SNRNP40: variants seen among roughly 807,000 people sequenced by gnomAD.
SNRNP40 encodes U5 small nuclear ribonucleoprotein 40 kDa protein.
In SNRNP40, 21 loss-of-function variants were observed where a neutral mutation model predicts 45.8. That is an observed-to-expected ratio of 0.46 (90% CI 0.32 to 0.66). SNRNP40 has a LOEUF of 0.66. SNRNP40 is among the 30% of genes least tolerant of loss of function. The pLI, the probability that SNRNP40 is intolerant of heterozygous loss-of-function variation, is 0.03. For synonymous variants in SNRNP40, 142 were observed against 163.8 expected, an observed-to-expected ratio of 0.87 and a Z score of 1.01; for missense variants, 344 against 439.1, an observed-to-expected ratio of 0.78 and a Z score of 1.94.
In SNRNP40 at chr1:31,267,993, G is replaced by T; in HGVS notation, c.859-61C>A. On this transcript the variant is annotated intron_variant, in intron 7 of 9. Transcript: ENST00000263694. The stretch of plus-strand genomic sequence containing the variant: ...CCAAACTCCTCTTTGCAAGGCTACC[G>T]AATCACTAAGAGGCTTTAAATTTCC... The T allele has an allele frequency of 9.6e-6, 11 of 1,146,048 alleles. No individual in the cohort carries two copies. The Admixed American group carries it at 1.6e-4, about 17-fold the overall frequency. The allele number at this position is 1,146,048 out of a possible 1,614,324, so 71.0% of individuals were successfully genotyped here.
intron 3 of SNRNP40, among the ~76,000 whole-genome samples, chr1:31,291,686 A>G (rs573006009): frequency 6.6e-6 from 1 of 152,362 alleles, no homozygotes; most frequent in Non-Finnish European, 1.5e-5. Context: ...ATGTCTTAAA[A>G]AAAGAAAAAT....
At chr1:31,285,650 T>C (rs1220974079) in intron 4 of SNRNP40, among the ~76,000 whole-genome samples, 2 of 152,178 alleles carry the variant, frequency 1.3e-5, no homozygotes, top group Non-Finnish European at 2.9e-5. Flanking sequence ...TATCCTCAAA[T>C]CCCACTCAAG....
At chr1:31,274,062 A>T (rs953855172) in intron 5 of SNRNP40, among the ~76,000 whole-genome samples, 4 of 152,134 alleles carry the variant, frequency 2.6e-5, no homozygotes, top group Non-Finnish European at 4.4e-5. Context: ...GCTGGATTGT[A>T]GGAGATTAGG....
At chr1:31,286,730 G>A (rs1255256061) in intron 4 of SNRNP40, among the ~76,000 whole-genome samples, 3 of 152,108 alleles carry the variant, frequency 2.0e-5, no homozygotes, top group Admixed American at 1.3e-4. Flanking sequence ...TACCTACCCT[G>A]TGTTGTATGG....
intron 1 of SNRNP40, among the ~76,000 whole-genome samples, chr1:31,295,624 TA>T (rs1262744295): frequency 6.6e-6 from 1 of 152,072 alleles, no homozygotes; most frequent in Non-Finnish European, 1.5e-5. Flanking sequence ...AGAGGGCAAA[TA>T]ATTACAAGAA....
chr1:31,289,483 C>A, intron 3 of SNRNP40, 64 bp from the exon 4 acceptor site: 2 of 1,492,744 alleles, frequency 1.3e-6, no homozygotes, highest in Non-Finnish European at 1.8e-6. Flanking sequence ...ATCTATCTTT[C>A]CTACTTGACA....
At chr1:31,278,811 T>C (rs1319972716) in intron 5 of SNRNP40, among the ~76,000 whole-genome samples, 1 of 151,470 alleles carries the variant, frequency 6.6e-6, no homozygotes, top group African/African-American at 2.4e-5. Context: ...GATGATGGAG[T>C]TGTGGAAGTA....
chr1:31,262,913 G>C (rs1374708220), intron 8 of SNRNP40, among the ~76,000 whole-genome samples: 2 of 151,452 alleles, frequency 1.3e-5, no homozygotes, highest in Non-Finnish European at 2.9e-5. Context: ...AAGGTGGGAG[G>C]ACTGATTGAG....
chr1:31,286,408 T>A (rs1380414707), intron 4 of SNRNP40, among the ~76,000 whole-genome samples: 2 of 152,168 alleles, frequency 1.3e-5, no homozygotes, highest in Non-Finnish European at 2.9e-5. Context: ...CTACTTGAAT[T>A]GTGATTCCCA....
rs1212919723 is a variant in SNRNP40 at position 31,285,028 on chromosome 1, C to G, written c.532-3532G>C. ...AATCTTTGTCTCAATAGATACTTCA[C>G]TCAGGTCAAATCTATCTTTGTCTTT... On this transcript the variant is annotated intron_variant, in intron 4 of 9. Coordinates refer to ENST00000263694, the MANE Select transcript of SNRNP40 (RefSeq NM_004814.3). Among the ~76,000 whole-genome samples the G allele has an allele frequency of 2.0e-5, 3 of 152,234 alleles. No homozygotes were observed. The South Asian group carries it at 6.2e-4, about 32-fold the overall frequency.
intron 4 of SNRNP40, among the ~76,000 whole-genome samples, chr1:31,286,145 G>T (rs1646057164): frequency 1.3e-5 from 2 of 150,342 alleles, no homozygotes; most frequent in South Asian, 4.2e-4. Flanking sequence ...GGACAGTCAG[G>T]CAATATATGT....
chr1:31,295,232 G>A (rs896819422), intron 1 of SNRNP40, among the ~76,000 whole-genome samples: 11 of 152,058 alleles, frequency 7.2e-5, no homozygotes, highest in African/African-American at 2.7e-4. Flanking sequence ...ATGTGGTGGT[G>A]TGTGTCTGTG....
At chr1:31,286,371 G>A (rs1441644697) in intron 4 of SNRNP40, among the ~76,000 whole-genome samples, 1 of 152,090 alleles carries the variant, frequency 6.6e-6, no homozygotes, top group Middle Eastern at 3.2e-3. Flanking sequence ...CATGCAACCA[G>A]TTTCCCATAT....
At chr1:31,278,395 G>A (rs1279148315) in intron 5 of SNRNP40, among the ~76,000 whole-genome samples, 1 of 152,200 alleles carries the variant, frequency 6.6e-6, no homozygotes, top group Non-Finnish European at 1.5e-5. Flanking sequence ...GTTGGTGGTA[G>A]TGAATCTATG....
Position 31,293,404 on chromosome 1 carries a change from A to T in SNRNP40, c.142-56T>A. On this transcript the variant is annotated intron_variant, in intron 1 of 9. Transcript: ENST00000263694. Reference sequence around the variant, plus strand: ...TGCATACAGACAAAGGAGGCTACAAAATTAGGGGGTGGGGAGTGGAGGGAA... The same window carrying T: ...TGCATACAGACAAAGGAGGCTACAATATTAGGGGGTGGGGAGTGGAGGGAA... 3 of 1,523,270 alleles carry T rather than the reference A, an allele frequency of 2.0e-6. No individual in the cohort carries two copies. The South Asian group carries it at 3.9e-5, about 20-fold the overall frequency. The allele number at this position is 1,523,270 out of a possible 1,614,324, so 94.4% of individuals were successfully genotyped here.
Position 31,260,991 on chromosome 1 carries a change from T to C in SNRNP40, c.1024+538A>G, listed in dbSNP as rs765535868. The C allele has an allele frequency of 5.8e-5, 71 of 1,226,520 alleles. No individual in the cohort carries two copies. In the South Asian group the frequency reaches 8.5e-4, roughly 15 times the overall value. The allele number at this position is 1,226,520 out of a possible 1,614,324, so 76.0% of individuals were successfully genotyped here. ...TGAGATCAAGAAGAAAATGGAGCAT[T>C]GCTCTTACTCTCACCACTTATGAGC... is the stretch of plus-strand genomic sequence containing the variant. On this transcript the variant is annotated intron_variant, in intron 9 of 9. Transcript: ENST00000263694.
intron 4 of SNRNP40, among the ~76,000 whole-genome samples, chr1:31,286,076 C>G (rs1424810725): frequency 2.0e-5 from 3 of 152,068 alleles, no homozygotes; most frequent in African/African-American, 4.8e-5. Context: ...GAAAACAGTA[C>G]CTGTGCAGTA....
intron 6 of SNRNP40, chr1:31,269,555 G>A: frequency 2.1e-6 from 1 of 468,154 alleles, no homozygotes; most frequent in Non-Finnish European, 3.5e-6. Flanking sequence ...AGATTTCTCT[G>A]CCAGCTTAGT....
chr1:31,295,122 G>A (rs1425879425), intron 1 of SNRNP40, among the ~76,000 whole-genome samples: 3 of 152,122 alleles, frequency 2.0e-5, no homozygotes, highest in Non-Finnish European at 4.4e-5. Context: ...GGGGATGGTG[G>A]CTCATGCCTG....
Sources: gnomAD v4.1 joint callset for allele counts (sites outside exome capture counted in the v4.1 genomes callset) on GRCh38, gnomAD v4.1.1 for gene constraint, MANE v1.5 for transcripts, NCBI Gene and HGNC (gene_info 2026-07-23, HGNC 2026-07-21) for gene names.